LMBR1: variants seen among roughly 807,000 people sequenced by gnomAD.
The protein encoded by LMBR1 is limb development membrane protein 1, also known as limb region 1 protein homolog.
In LMBR1, 52 loss-of-function variants were observed where a neutral mutation model predicts 73.9. The ratio of observed to expected loss-of-function variants is 0.70; its 90% CI spans 0.56 to 0.89. The LOEUF is 0.89. Among genes scored for constraint, LMBR1 ranks in the 40% least tolerant of loss-of-function variants. The pLI is 0.00. For synonymous variants in LMBR1, 215 were observed against 209.4 expected (o/e 1.03, Z -0.23); for missense variants, 539 against 579.8 (o/e 0.93, Z 0.72).
In LMBR1 at chr7:156,762,842, TGTGA is replaced by T. The variant is rs771550729; in HGVS notation, c.619+262_619+265del. ...ATATGAGTGTGTGAAAGTGTGTGAGTGTGAGTGTGTGTGTGTGTGTGTGTGTGTG... is the reference window on the plus strand; with the variant it reads ...ATATGAGTGTGTGAAAGTGTGTGAGTGTGTGTGTGTGTGTGTGTGTGTGTG... On this transcript the variant is annotated intron_variant, in intron 7 of 16. Coordinates refer to ENST00000353442, the MANE Select transcript of LMBR1 (RefSeq NM_022458.4). 1.9e-4 allele frequency among the ~76,000 whole-genome samples: 19 copies of T among 102,358 alleles called. No individual in the cohort carries two copies. The East Asian group carries it at 2.2e-3, about 12-fold the overall frequency. 67.2% of individuals were successfully genotyped at this position (102,358 alleles called of 152,430 possible).
At chr7:156,701,815 T>C (rs927800403) in intron 15 of LMBR1, among the ~76,000 whole-genome samples, 12 of 152,284 alleles carry the variant, frequency 7.9e-5, no homozygotes, top group African/African-American at 2.9e-4. Context: ...TGTGTGTTGT[T>C]CCCCTCCCTG....
rs574490299 is a variant in LMBR1, at chr7:156,699,250, G to A, written c.1226-11059C>T. ...GAACAGAGCCCTCAGAAATAATGCC[G>A]CATATCTACAACTATCTGATCTTTG... On this transcript the variant is annotated intron_variant, in intron 15 of 16. Coordinates refer to ENST00000353442, the MANE Select transcript of LMBR1 (RefSeq NM_022458.4). 1.4e-4 allele frequency among the ~76,000 whole-genome samples: 22 copies of A among 152,150 alleles called. 1 individual carries two copies. Among genetic ancestry groups the A allele is most frequent in the South Asian group, 1.0e-3 (5 of 4,814 alleles).
At chr7:156,720,244 C>A (rs1171961395) in intron 15 of LMBR1, among the ~76,000 whole-genome samples, 1 of 152,072 alleles carries the variant, frequency 6.6e-6, no homozygotes, top group East Asian at 1.9e-4. Flanking sequence ...ACAATGAACT[C>A]AAACAAATTT....
intron 5 of LMBR1, among the ~76,000 whole-genome samples, chr7:156,787,945 T>A (rs1323239436): frequency 6.6e-6 from 1 of 152,136 alleles, no homozygotes; most frequent in Non-Finnish European, 1.5e-5. Flanking sequence ...CCTGGCTAAT[T>A]TTTATATTTT....
chr7:156,873,595 T>A (rs1286748327), intron 1 of LMBR1, among the ~76,000 whole-genome samples: 1 of 152,174 alleles, frequency 6.6e-6, no homozygotes, highest in Non-Finnish European at 1.5e-5. Flanking sequence ...TTACAATCCC[T>A]GAGCTAGATA....
intron 4 of LMBR1, among the ~76,000 whole-genome samples, chr7:156,808,631 G>C (rs1388613266): frequency 6.6e-6 from 1 of 151,934 alleles, no homozygotes; most frequent in Non-Finnish European, 1.5e-5. Context: ...TTTTCTATTT[G>C]CCCCATGTGT....
Position 156,847,041 on chromosome 7 carries a change from CA to C in LMBR1, c.67-10157del, listed in dbSNP as rs1795582562. Among the ~76,000 whole-genome samples, 3 of 151,974 alleles carry C rather than the reference CA, an allele frequency of 2.0e-5. No individual in the cohort carries two copies. The South Asian group carries it at 6.2e-4, about 31-fold the overall frequency. Reference sequence around the variant, plus strand: ...CCAGTTTCAAAACATTATAAGGCTACAATAATTAAGACAGCATGACATTGAT... The same window carrying C: ...CCAGTTTCAAAACATTATAAGGCTACATAATTAAGACAGCATGACATTGAT... On this transcript the variant is annotated intron_variant, in intron 1 of 16. Transcript: ENST00000353442.
rs545850801 is a variant in LMBR1 at position 156,749,107 on chromosome 7, C to T, written c.757+7286G>A. On this transcript the variant is annotated intron_variant, in intron 9 of 16. Coordinates refer to ENST00000353442, the MANE Select transcript of LMBR1 (RefSeq NM_022458.4). ...ACTTTCACGCTAATACCAGACATTT[C>T]TCAAAGTGGCCCAGAGTCTGATAAA... Among the ~76,000 whole-genome samples the T allele has an allele frequency of 4.6e-5, 7 of 152,274 alleles. No individual in the cohort carries two copies. The South Asian group carries it at 1.4e-3, about 32-fold the overall frequency.
chr7:156,817,668 A>G (rs1264825065), intron 4 of LMBR1, among the ~76,000 whole-genome samples: 1 of 152,222 alleles, frequency 6.6e-6, no homozygotes, highest in African/African-American at 2.4e-5. Flanking sequence ...AAAACAAATA[A>G]TATGTCCATT....
At chr7:156,755,398 C>T (rs1036475624) in intron 9 of LMBR1, among the ~76,000 whole-genome samples, 1 of 152,130 alleles carries the variant, frequency 6.6e-6, no homozygotes, top group Non-Finnish European at 1.5e-5. Context: ...ATTCATGGGG[C>T]ACTACATTTT....
At chr7:156,760,778 C>T (rs1822832168) in intron 8 of LMBR1, among the ~76,000 whole-genome samples, 1 of 152,068 alleles carries the variant, frequency 6.6e-6, no homozygotes. Context: ...TTATGATTTT[C>T]AAAATTAAGC....
chr7:156,859,560 G>A (rs551789192), intron 1 of LMBR1, among the ~76,000 whole-genome samples: 1 of 130,066 alleles, frequency 7.7e-6, no homozygotes, highest in East Asian at 2.6e-4. Context: ...TTAACAACTG[G>A]AATTTGAAAT....
In LMBR1 at chr7:156,893,091, G is replaced by T; in HGVS notation, c.-98C>A. ...GCTCGGACAGCCGCGCCGGGGACCGGAGCCGGCACGGGCCCGCGAGCCGTG... is the reference window on the plus strand; with the variant it reads ...GCTCGGACAGCCGCGCCGGGGACCGTAGCCGGCACGGGCCCGCGAGCCGTG... On this transcript the variant is annotated 5_prime_UTR_variant, in exon 1 of 17. Coordinates refer to ENST00000353442, the MANE Select transcript of LMBR1 (RefSeq NM_022458.4). 8.2e-7 allele frequency: 1 copy of T among 1,215,556 alleles called. No homozygotes were observed. The allele number at this position is 1,215,556 out of a possible 1,614,324, so 75.3% of individuals were successfully genotyped here.
At chr7:156,723,387 A>G (rs1815023085) in intron 15 of LMBR1, among the ~76,000 whole-genome samples, 1 of 152,140 alleles carries the variant, frequency 6.6e-6, no homozygotes, top group African/African-American at 2.4e-5. Context: ...TGCACTCTTA[A>G]GTCAAAACCT....
At chr7:156,873,209 T>G (rs1799592560) in intron 1 of LMBR1, among the ~76,000 whole-genome samples, 1 of 151,744 alleles carries the variant, frequency 6.6e-6, no homozygotes, top group South Asian at 2.1e-4. Context: ...TTCCTTCTGG[T>G]GGGTTCGTGG....
intron 8 of LMBR1, among the ~76,000 whole-genome samples, chr7:156,756,910 G>A (rs761668438): frequency 2.4e-4 from 37 of 152,134 alleles, no homozygotes; most frequent in Admixed American, 1.2e-3. Flanking sequence ...TCTGCCTCCC[G>A]GGGTCAAGCG....
intron 1 of LMBR1, among the ~76,000 whole-genome samples, chr7:156,877,815 G>A (rs755662678): frequency 9.9e-5 from 15 of 151,472 alleles, no homozygotes; most frequent in Admixed American, 4.6e-4. Context: ...CCCGGGAGGC[G>A]GAGCTTGCAG....
intron 4 of LMBR1, among the ~76,000 whole-genome samples, chr7:156,815,997 T>C (rs1276508841): frequency 1.3e-5 from 2 of 151,716 alleles, no homozygotes; most frequent in Non-Finnish European, 2.9e-5. Context: ...CCAGAATTTA[T>C]CTTTCTAATC....
intron 15 of LMBR1, among the ~76,000 whole-genome samples, chr7:156,693,802 C>T (rs535370001): frequency 2.0e-5 from 3 of 152,294 alleles, no homozygotes; most frequent in Non-Finnish European, 4.4e-5. Context: ...AGGCCAGCAT[C>T]GCCCTGATTC....
Sources: allele counts gnomAD v4.1 joint callset (sites outside exome capture counted in the v4.1 genomes callset), GRCh38; gene constraint gnomAD v4.1.1; transcripts MANE v1.5; gene names NCBI Gene and HGNC (gene_info 2026-07-23, HGNC 2026-07-21).